Variants in CAPZB observed in about 807,000 individuals in gnomAD.
The protein encoded by CAPZB is F-actin-capping protein subunit beta.
Under a neutral mutation model 38.1 loss-of-function variants are expected in CAPZB, and 2 were observed. The observed-to-expected ratio is 0.05, with a 90% CI of 0.02 to 0.17. CAPZB has a LOEUF of 0.17. CAPZB is among the 10% of genes least tolerant of loss of function. CAPZB has a pLI of 1.00. For synonymous variants in CAPZB, 107 were observed against 127.4 expected, an observed-to-expected ratio of 0.84 and a Z score of 1.08; for missense variants, 161 against 334.2, an observed-to-expected ratio of 0.48 and a Z score of 4.04.
chr1:19,357,676 T>A lies in CAPZB; in HGVS notation c.330-113A>T. 1 of 991,198 alleles carries A rather than the reference T, an allele frequency of 1.0e-6. No individual in the cohort carries two copies. The highest frequency in any genetic ancestry group is 1.5e-6 in the Non-Finnish European group (1 of 656,670). 61.4% of individuals were successfully genotyped at this position (991,198 alleles called of 1,614,324 possible). ...GGATTCAGGGCCCTCCCTGCGACAG[T>A]TATGGGAGCCGATCCTTGGGTGTGT... On this transcript the variant is annotated intron_variant, in intron 4 of 8. Transcript: ENST00000264202. The surrounding 1 kb of genome is among the most constrained non-coding windows in gnomAD (Gnocchi z 4.3).
In CAPZB at chr1:19,378,273, C is replaced by T. The variant is rs74920459; in HGVS notation, c.329+267G>A. On this transcript the variant is annotated intron_variant, in intron 4 of 8. Transcript: ENST00000264202. ...TATGAATCACGATGCAGGGGAACAG[C>T]ACATAGTGAAGTCTGGTAGCATTCT... 9.9e-3 allele frequency among the ~76,000 whole-genome samples: 1,505 copies of T among 152,318 alleles called. 64 individuals are homozygous for T. The East Asian group carries it at 0.14, about 14-fold the overall frequency.
intron 2 of CAPZB, among the ~76,000 whole-genome samples, chr1:19,391,139 C>T (rs2094232189): frequency 2.0e-5 from 3 of 152,086 alleles, no homozygotes; most frequent in African/African-American, 2.4e-5. Context: ...CAGAAGTTTC[C>T]GGCCACAAGT....
intron 1 of CAPZB, among the ~76,000 whole-genome samples, chr1:19,482,128 T>C (rs2094631506): frequency 6.6e-6 from 1 of 152,210 alleles, no homozygotes; most frequent in African/African-American, 2.4e-5. Context: ...TCATGTCCTG[T>C]TCCCCACCTC....
chr1:19,471,711 A>G (rs969815805), intron 1 of CAPZB, among the ~76,000 whole-genome samples: 1 of 151,746 alleles, frequency 6.6e-6, no homozygotes, highest in African/African-American at 2.4e-5. Context: ...AAAAATACCA[A>G]AAAAAATTAG....
intron 2 of CAPZB, among the ~76,000 whole-genome samples, chr1:19,419,296 CA>C (rs2094392358): frequency 6.6e-6 from 1 of 152,194 alleles, no homozygotes; most frequent in Admixed American, 6.5e-5. Context: ...CACACCATAG[CA>C]GAGACTGACA....
intron 4 of CAPZB, among the ~76,000 whole-genome samples, chr1:19,365,546 CCAGGCCGGG>C (rs1244702777): frequency 6.6e-6 from 1 of 152,042 alleles, no homozygotes; most frequent in African/African-American, 2.4e-5. Flanking sequence ...AAGATGGAAA[CCAGGCCGGG>C]CATGGTGGCT....
intron 2 of CAPZB, among the ~76,000 whole-genome samples, chr1:19,394,796 A>G (rs2094257199): frequency 6.6e-6 from 1 of 152,368 alleles, no homozygotes; most frequent in Non-Finnish European, 1.5e-5. Context: ...TGGTACATAC[A>G]GCACATCTGG....
intron 1 of CAPZB, among the ~76,000 whole-genome samples, chr1:19,436,234 T>C (rs1379155990): frequency 1.3e-5 from 2 of 152,208 alleles, no homozygotes; most frequent in East Asian, 3.8e-4. Context: ...GCCTTCCCAC[T>C]CCATCCTGCC....
chr1:19,379,104 T>TTTC (rs1558202567), intron 3 of CAPZB, among the ~76,000 whole-genome samples: 2 of 126,092 alleles, frequency 1.6e-5, no homozygotes, highest in Admixed American at 7.1e-5. Flanking sequence ...TTCTTTCTTT[T>TTTC]TTTTTTTTTT....
chr1:19,344,314 A>C, intron 8 of CAPZB, 44 bp downstream of exon 8: 1 of 1,523,678 alleles, frequency 6.6e-7, no homozygotes, highest in Non-Finnish European at 9.1e-7. Flanking sequence ...CAGGGTTCAA[A>C]TCCCTCTGTC....
intron 2 of CAPZB, among the ~76,000 whole-genome samples, chr1:19,406,719 T>G (rs2100405679): frequency 6.6e-6 from 1 of 152,276 alleles, no homozygotes; most frequent in East Asian, 1.9e-4. Context: ...AAGATCAACC[T>G]TGTGGTGTGC....
intron 2 of CAPZB, among the ~76,000 whole-genome samples, chr1:19,405,710 G>A (rs1025953176): frequency 5.3e-5 from 8 of 152,260 alleles, no homozygotes; most frequent in East Asian, 1.9e-4. Flanking sequence ...GGAGATTAAC[G>A]ATCATTAAAT....
intron 6 of CAPZB, among the ~76,000 whole-genome samples, chr1:19,346,771 T>G (rs1384442177): frequency 6.6e-6 from 1 of 150,990 alleles, no homozygotes; most frequent in Non-Finnish European, 1.5e-5. Flanking sequence ...CGACCTGTGA[T>G]TGAAATCCTT....
At chr1:19,448,050 G>C (rs2094502405) in intron 1 of CAPZB, among the ~76,000 whole-genome samples, 1 of 152,230 alleles carries the variant, frequency 6.6e-6, no homozygotes, top group South Asian at 2.1e-4. Flanking sequence ...TGGAGCTCAG[G>C]ACACCTCTCA....
chr1:19,378,198 C>T (rs1285111768), intron 4 of CAPZB, among the ~76,000 whole-genome samples: 1 of 152,194 alleles, frequency 6.6e-6, no homozygotes, highest in Non-Finnish European at 1.5e-5. Flanking sequence ...AAATACCTGG[C>T]ACTGTTTCTT....
intron 2 of CAPZB, among the ~76,000 whole-genome samples, chr1:19,415,309 T>G (rs1046430519): frequency 5.3e-5 from 8 of 152,214 alleles, no homozygotes; most frequent in African/African-American, 2.4e-5. Flanking sequence ...ATTAGCTACT[T>G]TCAAAACATC....
At chr1:19,465,383 C>T (rs2094565741) in intron 1 of CAPZB, among the ~76,000 whole-genome samples, 1 of 152,194 alleles carries the variant, frequency 6.6e-6, no homozygotes, top group South Asian at 2.1e-4. Context: ...CTGAGTCTGC[C>T]AAGACCTTGC....
At chr1:19,349,025 G>A (rs1264791880) in intron 6 of CAPZB, among the ~76,000 whole-genome samples, 7 of 152,106 alleles carry the variant, frequency 4.6e-5, no homozygotes, top group Non-Finnish European at 1.5e-5. Context: ...GTGCCCATGA[G>A]CTTGAGAGTC....
At chr1:19,409,521 C>G (rs1191346694) in intron 2 of CAPZB, among the ~76,000 whole-genome samples, 3 of 152,202 alleles carry the variant, frequency 2.0e-5, no homozygotes, top group Non-Finnish European at 2.9e-5. Context: ...GCTCTTTCTT[C>G]TAACAAAGTA....
Sources: gnomAD v4.1 joint callset for allele counts (sites outside exome capture counted in the v4.1 genomes callset) on GRCh38, gnomAD v4.1.1 for gene constraint, Gnocchi (gnomAD v3.1) non-coding constraint, MANE v1.5 for transcripts, NCBI Gene and HGNC (gene_info 2026-07-23, HGNC 2026-07-21) for gene names.